The following COL26A1 variants were observed in gnomAD, a reference collection of about 807,000 sequenced individuals.
The protein encoded by COL26A1 is collagen alpha-1(XXVI) chain.
A neutral mutation model predicts 59.3 loss-of-function variants in COL26A1; 41 were observed. The ratio of observed to expected loss-of-function variants is 0.69; its 90% CI spans 0.54 to 0.90. COL26A1 has a LOEUF of 0.90. Ranked by LOEUF, COL26A1 falls within the 40% of genes least tolerant of loss-of-function variation. The pLI is 0.00. For synonymous variants in COL26A1, 266 were observed against 256.0 expected (o/e 1.04, Z -0.37); for missense variants, 612 against 602.3 (o/e 1.02, Z -0.17).
At chr7:101,547,337 T>C in intron 8 of COL26A1, 98 bp downstream of exon 8, 1 of 751,340 alleles carries the variant, frequency 1.3e-6, no homozygotes, top group South Asian at 1.9e-5. Flanking sequence ...CGGCTGGCGG[T>C]CCATGGCTTC....
chr7:101,491,924 T>C (rs1157796120), intron 3 of COL26A1, among the ~76,000 whole-genome samples: 1 of 152,172 alleles, frequency 6.6e-6, no homozygotes, highest in African/African-American at 2.4e-5. Context: ...TTGCTCTGGT[T>C]CACATTCTTC....
chr7:101,375,517 G>A lies in COL26A1; in HGVS notation c.158+12327G>A, dbSNP rs886641329. On this transcript the variant is annotated intron_variant, in intron 1 of 12. Coordinates refer to ENST00000313669, the MANE Select transcript of COL26A1 (RefSeq NM_001278563.3). ...TCGAGACCAGCCCGGGCAACATAGC[G>A]AAATCCCCTGTCTACAAAAAAATAA... Among the ~76,000 whole-genome samples, 4 of 151,170 alleles carry A rather than the reference G, an allele frequency of 2.6e-5. No homozygotes were observed. The South Asian group carries it at 6.3e-4, about 24-fold the overall frequency.
At chr7:101,369,466 T>TTG (rs1791132523) in intron 1 of COL26A1, among the ~76,000 whole-genome samples, 2 of 75,028 alleles carry the variant, frequency 2.7e-5, no homozygotes, top group Non-Finnish European at 5.0e-5. Context: ...TTTTTTTTTT[T>TTG]GAGACAGAGT....
rs1230243842 is a variant in COL26A1, at chr7:101,382,903, G to A, written c.158+19713G>A. Among the ~76,000 whole-genome samples the A allele has an allele frequency of 3.3e-5, 5 of 152,104 alleles. No homozygotes were observed. In the East Asian group the frequency reaches 5.8e-4, roughly 18 times the overall value. ...CTAAAAATACAAAAGTTAGCTGGGCGTGGTGATGTATGCCTGTAATCCCAG... is the reference window on the plus strand; with the variant it reads ...CTAAAAATACAAAAGTTAGCTGGGCATGGTGATGTATGCCTGTAATCCCAG... On this transcript the variant is annotated intron_variant, in intron 1 of 12. Transcript: ENST00000313669.
intron 1 of COL26A1, among the ~76,000 whole-genome samples, chr7:101,383,715 A>G (rs192997513): frequency 6.6e-6 from 1 of 152,236 alleles, no homozygotes; most frequent in Admixed American, 6.5e-5. Flanking sequence ...TTGTATTTTT[A>G]GTAGAGACAG....
chr7:101,421,235 G>A (rs989100157), intron 2 of COL26A1, among the ~76,000 whole-genome samples: 1 of 152,202 alleles, frequency 6.6e-6, no homozygotes. Context: ...GAGGAGAGCT[G>A]ATGTTGCAGC....
rs1252762004 is a variant in COL26A1, at chr7:101,489,675, T to G, written c.385+41888T>G. ...TTTCTTTCTTTCTTCCTTCCTTCCT[T>G]CCTTCCTTTCTTTCTTTCTTTCTGT... On this transcript the variant is annotated intron_variant, in intron 3 of 12. Coordinates refer to ENST00000313669, the MANE Select transcript of COL26A1 (RefSeq NM_001278563.3). 8.8e-3 allele frequency among the ~76,000 whole-genome samples: 406 copies of G among 45,948 alleles called. 42 individuals are homozygous for G. Among genetic ancestry groups the G allele is most frequent in the African/African-American group, 0.025 (95 of 3,874 alleles). 30.1% of individuals were successfully genotyped at this position (45,948 alleles called of 152,430 possible). A position where few individuals can be genotyped will look rare whatever the true frequency, so the allele number is the denominator to read the frequency against.
chr7:101,407,234 G>T (rs2130226107), intron 1 of COL26A1, among the ~76,000 whole-genome samples: 1 of 152,198 alleles, frequency 6.6e-6, no homozygotes, highest in African/African-American at 2.4e-5. Context: ...ATGCCCTCTG[G>T]GGCCATGAGA....
At chr7:101,506,661 C>T (rs1423099879) in intron 3 of COL26A1, among the ~76,000 whole-genome samples, 1 of 152,202 alleles carries the variant, frequency 6.6e-6, no homozygotes, top group Non-Finnish European at 1.5e-5. Context: ...GAAGAGATTC[C>T]CTGACTGTAT....
chr7:101,440,526 A>G (rs1793031260), intron 2 of COL26A1, among the ~76,000 whole-genome samples: 1 of 152,140 alleles, frequency 6.6e-6, no homozygotes, highest in Non-Finnish European at 1.5e-5. Flanking sequence ...CATTCAGGTG[A>G]GACTCAGGGG....
chr7:101,390,727 G>C (rs370290138), intron 1 of COL26A1, among the ~76,000 whole-genome samples: 17 of 152,262 alleles, frequency 1.1e-4, no homozygotes, highest in African/African-American at 3.1e-4. Context: ...GCCTGGCCTG[G>C]AGCCACTTTT....
intron 1 of COL26A1, among the ~76,000 whole-genome samples, chr7:101,377,040 G>A (rs1167200765): frequency 6.6e-6 from 1 of 152,076 alleles, no homozygotes; most frequent in Non-Finnish European, 1.5e-5. Context: ...TGTATGTTTA[G>A]TAGAGATAGA....
chr7:101,530,914 C>G (rs1183168536), intron 3 of COL26A1, among the ~76,000 whole-genome samples: 2 of 152,028 alleles, frequency 1.3e-5, no homozygotes, highest in African/African-American at 2.4e-5. Flanking sequence ...TCCGCCTTTC[C>G]CTTTGCTTTG....
intron 3 of COL26A1, among the ~76,000 whole-genome samples, chr7:101,475,832 CT>C (rs1484202510): frequency 4.1e-5 from 6 of 147,594 alleles, no homozygotes; most frequent in African/African-American, 1.5e-4. Context: ...CTCTCTTTCT[CT>C]CTCTCTCTTT....
rs139848420 is a variant in COL26A1, at chr7:101,393,286, C to T, written c.159-26691C>T. Among the ~76,000 whole-genome samples, 269 of 152,176 alleles carry T rather than the reference C, an allele frequency of 1.8e-3. 1 individual carries two copies. Among genetic ancestry groups the T allele is most frequent in the Non-Finnish European group, 3.2e-3 (220 of 68,022 alleles). ...AGGAGTATTAACTCCTGAATTAACA[C>T]GATCACAAGGTCTCACAATAGGCCA... is the stretch of plus-strand genomic sequence containing the variant. On this transcript the variant is annotated intron_variant, in intron 1 of 12. Coordinates refer to ENST00000313669, the MANE Select transcript of COL26A1 (RefSeq NM_001278563.3).
At chr7:101,421,605 G>A (rs990110001) in intron 2 of COL26A1, among the ~76,000 whole-genome samples, 1 of 151,506 alleles carries the variant, frequency 6.6e-6, no homozygotes, top group African/African-American at 2.4e-5. Context: ...AACCCAGGAG[G>A]TGGAGATTGC....
At chr7:101,510,463 C>G (rs574156871) in intron 3 of COL26A1, among the ~76,000 whole-genome samples, 63 of 152,342 alleles carry the variant, frequency 4.1e-4, no homozygotes, top group African/African-American at 1.5e-3. Context: ...GTCACACACA[C>G]CTTTGCTCAC....
chr7:101,465,016 G>T (rs1374555062), intron 3 of COL26A1, among the ~76,000 whole-genome samples: 1 of 149,084 alleles, frequency 6.7e-6, no homozygotes, highest in Non-Finnish European at 1.5e-5. Flanking sequence ...TTGGCTTTAA[G>T]CTTCTAATTC....
intron 3 of COL26A1, among the ~76,000 whole-genome samples, chr7:101,477,542 G>A (rs1794076305): frequency 6.6e-6 from 1 of 152,154 alleles, no homozygotes. Flanking sequence ...GGGGGAGGAA[G>A]GGTGTATAGG....
Sources: gnomAD v4.1 joint callset for allele counts (sites outside exome capture counted in the v4.1 genomes callset) on GRCh38, gnomAD v4.1.1 for gene constraint, MANE v1.5 for transcripts, NCBI Gene and HGNC (gene_info 2026-07-23, HGNC 2026-07-21) for gene names.